Variants in JAKMIP3 observed in about 807,000 individuals in gnomAD.
JAKMIP3 encodes the protein janus kinase and microtubule-interacting protein 3.
In JAKMIP3, 58 loss-of-function variants were observed where a neutral mutation model predicts 118.5. The ratio of observed to expected loss-of-function variants is 0.49; its 90% CI spans 0.40 to 0.61. The LOEUF (loss-of-function observed/expected upper bound fraction) is 0.61. Ranked by LOEUF, JAKMIP3 falls within the 20% of genes least tolerant of loss-of-function variation. JAKMIP3 has a pLI of 0.00. For missense variants in JAKMIP3, 950 were observed against 1,109.0 expected (o/e 0.86, Z 2.04); for synonymous variants, 486 against 451.2 (o/e 1.08, Z -0.98).
In JAKMIP3 at chr10:132,180,654, T is replaced by TGTGC. The variant is rs1326406846; in HGVS notation, c.*1104-1699_*1104-1696dup. 8.2e-5 allele frequency among the ~76,000 whole-genome samples: 2 copies of TGTGC among 24,308 alleles called. 1 individual carries two copies. Among genetic ancestry groups the TGTGC allele is most frequent in the East Asian group, 5.9e-3 (2 of 340 alleles). 15.9% of individuals were successfully genotyped at this position (24,308 alleles called of 152,430 possible). A position where few individuals can be genotyped will look rare whatever the true frequency, so the allele number is the denominator to read the frequency against. On this transcript the variant is annotated intron_variant, in intron 23 of 23. Transcript: ENST00000684848. ...GTGTGCGTGCGTGTGTGCGTGTGCG[T>TGTGC]GTGCGTGTGTGCGTGTGTGTGCGCG...
At position 132,151,339 on chromosome 10, in the gene JAKMIP3, A is replaced by C. The variant is rs1008872240; in HGVS notation, c.2007+1298A>C. ...TCCATCCCTCATCCTACCTTCATTGACCTTCCACTTCCTCCATCCAGTGCT... is the reference window on the plus strand; with the variant it reads ...TCCATCCCTCATCCTACCTTCATTGCCCTTCCACTTCCTCCATCCAGTGCT... On this transcript the variant is annotated intron_variant, in intron 16 of 23. Transcript: ENST00000684848. Among the ~76,000 whole-genome samples the C allele has an allele frequency of 1.2e-4, 18 of 151,804 alleles. No homozygotes were observed. In the South Asian group the frequency reaches 3.7e-3, roughly 32 times the overall value.
chr10:132,172,986 T>C (rs1294648700), intron 23 of JAKMIP3, among the ~76,000 whole-genome samples: 1 of 80,338 alleles, frequency 1.2e-5, no homozygotes, highest in African/African-American at 4.3e-5. Context: ...CTTCCCTCTC[T>C]CTCTCTCTCC....
intron 1 of JAKMIP3, among the ~76,000 whole-genome samples, chr10:132,040,186 G>A (rs2037685079): frequency 2.0e-5 from 3 of 152,170 alleles, no homozygotes; most frequent in Admixed American, 6.5e-5. Context: ...GGATGGGATG[G>A]GTGCCCTTAC....
intron 1 of JAKMIP3, among the ~76,000 whole-genome samples, chr10:132,073,146 A>G (rs2040234765): frequency 6.6e-6 from 1 of 152,156 alleles, no homozygotes; most frequent in Non-Finnish European, 1.5e-5. Context: ...ACAAATTTTT[A>G]TCCAATCCTC....
chr10:132,121,838 C>A (rs954970996), intron 3 of JAKMIP3, among the ~76,000 whole-genome samples: 1 of 152,142 alleles, frequency 6.6e-6, no homozygotes, highest in African/African-American at 2.4e-5. Flanking sequence ...TGGGGTGGAA[C>A]CTGTCCCACC....
chr10:132,173,809 T>G (rs1414050940), intron 23 of JAKMIP3, among the ~76,000 whole-genome samples: 13 of 7,556 alleles, frequency 1.7e-3, no homozygotes, highest in Non-Finnish European at 2.4e-3. Context: ...TGTGGTGGCC[T>G]GTGGTATGTT....
chr10:132,130,958 A>G (rs1304107185), intron 3 of JAKMIP3, among the ~76,000 whole-genome samples: 1 of 151,250 alleles, frequency 6.6e-6, no homozygotes, highest in Non-Finnish European at 1.5e-5. Context: ...TCGGGGCCCC[A>G]TGCAGAGAGA....
intron 1 of JAKMIP3, among the ~76,000 whole-genome samples, chr10:132,102,859 G>A (rs1259424560): frequency 6.6e-6 from 1 of 152,136 alleles, no homozygotes; most frequent in Non-Finnish European, 1.5e-5. Context: ...GGGGGCTGGA[G>A]ACAGATGCAG....
At chr10:132,146,018 C>T (rs1379680249) in intron 13 of JAKMIP3, among the ~76,000 whole-genome samples, 2 of 152,192 alleles carry the variant, frequency 1.3e-5, no homozygotes, top group African/African-American at 4.8e-5. Context: ...GCCCATGGAC[C>T]AGCCTGGCTG....
chr10:132,061,286 G>A (rs999534818), upstream of JAKMIP3, among the ~76,000 whole-genome samples: 6 of 151,878 alleles, frequency 4.0e-5, no homozygotes, highest in South Asian at 2.1e-4. Context: ...CACACCTGCC[G>A]TGACGGCACA....
At chr10:132,172,632 T>C (rs2059610347) in intron 23 of JAKMIP3, among the ~76,000 whole-genome samples, 1 of 151,940 alleles carries the variant, frequency 6.6e-6, no homozygotes, top group Non-Finnish European at 1.5e-5. Flanking sequence ...CCCTGGGTCG[T>C]GGCCCAGCCA....
Position 132,138,196 on chromosome 10 carries a change from G to A in JAKMIP3, c.1344+18G>A, listed in dbSNP as rs376704598. The A allele has an allele frequency of 1.9e-5, 31 of 1,601,514 alleles. No homozygotes were observed. The highest frequency in any genetic ancestry group is 6.8e-5 in the Admixed American group (4 of 58,704). ...TTCCCAAGGTAAGGAACAGCACACCGGCACGTGCGGAGAGTACGCCGGGTG... is the reference window on the plus strand; with the variant it reads ...TTCCCAAGGTAAGGAACAGCACACCAGCACGTGCGGAGAGTACGCCGGGTG... On this transcript the variant is annotated intron_variant, in intron 9 of 23. Coordinates refer to ENST00000684848, the MANE Select transcript of JAKMIP3 (RefSeq NM_001323087.2).
chr10:132,093,112 C>G (rs1390197974), intron 1 of JAKMIP3, among the ~76,000 whole-genome samples: 1 of 152,208 alleles, frequency 6.6e-6, no homozygotes, highest in Non-Finnish European at 1.5e-5. Context: ...ATATTGCTGC[C>G]TGATCATTCC....
At chr10:132,122,231 CCCGG>C (rs1405815675) in intron 3 of JAKMIP3, among the ~76,000 whole-genome samples, 32 of 151,198 alleles carry the variant, frequency 2.1e-4, no homozygotes, top group Admixed American at 4.6e-4. Flanking sequence ...CGGTCGGCTC[CCCGG>C]CTGTTGGGGC....
At chr10:132,079,044 C>T (rs939855149) in intron 1 of JAKMIP3, among the ~76,000 whole-genome samples, 1 of 149,400 alleles carries the variant, frequency 6.7e-6, no homozygotes, top group African/African-American at 2.5e-5. Flanking sequence ...TGCCCCGTCA[C>T]CCTCTCTCCT....
intron 1 of JAKMIP3, among the ~76,000 whole-genome samples, chr10:132,040,681 T>C (rs2037715915): frequency 6.6e-6 from 1 of 150,860 alleles, no homozygotes; most frequent in East Asian, 2.0e-4. Context: ...TCGTGGTAGA[T>C]AAGAACACTT....
At position 132,153,959 on chromosome 10, in the gene JAKMIP3, A is replaced by G. The variant is rs750062250; in HGVS notation, c.2189A>G (p.Tyr730Cys). The stretch of plus-strand genomic sequence containing the variant: ...GGCTACCTGGACGAGGAGCTGGACT[A>G]CCGGAAACAGGCCTTGGACCAGGCC... ...QKGYLDEELD[Y>C]RKQALDQANK... The change falls in exon 19 of 24, where the codon TAC (tyrosine) becomes TGC (cysteine). Residue 730 changes from tyrosine (Y) to cysteine (C), a missense_variant. Coordinates refer to ENST00000684848, the MANE Select transcript of JAKMIP3 (RefSeq NM_001323087.2). 2.5e-6 allele frequency: 4 copies of G among 1,612,896 alleles called. No individual in the cohort carries two copies. Among genetic ancestry groups the G allele is most frequent in the East Asian group, 4.5e-5 (2 of 44,878 alleles).
intron 9 of JAKMIP3, among the ~76,000 whole-genome samples, 154 bp from the exon 10 acceptor site, chr10:132,140,297 A>G (rs1341452823): frequency 6.7e-6 from 1 of 150,308 alleles, no homozygotes; most frequent in Non-Finnish European, 1.5e-5. Context: ...CCTCACACCC[A>G]GGCCACCTCC....
intron 1 of JAKMIP3, among the ~76,000 whole-genome samples, chr10:132,099,270 G>A (rs2130890): frequency 0.26 from 38,869 of 151,954 alleles, 5,550 homozygotes; most frequent in Non-Finnish European, 0.33. Context: ...ATTCACCGGC[G>A]GTGGAAAGAC....
Sources: gnomAD v4.1 joint callset for allele counts (sites outside exome capture counted in the v4.1 genomes callset) on GRCh38, gnomAD v4.1.1 for gene constraint, MANE v1.5 for transcripts, NCBI Gene and HGNC (gene_info 2026-07-23, HGNC 2026-07-21) for gene names.